MGAM2: variants seen among roughly 807,000 people sequenced by gnomAD.
MGAM2 encodes the protein maltase-glucoamylase 2 (putative).
MGAM2 carries 98 observed loss-of-function variants against 96.1 expected under a neutral mutation model. The ratio of observed to expected loss-of-function variants is 1.02; its 90% CI spans 0.87 to 1.21. The LOEUF (loss-of-function observed/expected upper bound fraction) is 1.21, where lower values mean the gene tolerates loss of function less well. Ranked by LOEUF, MGAM2 falls within the 50% of genes most tolerant of loss-of-function variation. The pLI, the probability that MGAM2 is intolerant of heterozygous loss-of-function variation, is 0.00. For missense variants in MGAM2, 2,055 were observed against 1,182.4 expected, an observed-to-expected ratio of 1.74 and a Z score of -10.82; for synonymous variants, 749 against 414.8, an observed-to-expected ratio of 1.81 and a Z score of -9.79.
rs186959347 is a variant in MGAM2, at chr7:142,122,526, G to A, written c.186+2145G>A. Among the ~76,000 whole-genome samples, 49 of 152,236 alleles carry A rather than the reference G, an allele frequency of 3.2e-4. No homozygotes were observed. In the East Asian group the frequency reaches 7.7e-3, roughly 24 times the overall value. On this transcript the variant is annotated intron_variant, in intron 3 of 47. Coordinates refer to ENST00000477922, the MANE Select transcript of MGAM2 (RefSeq NM_001293626.2). ...TATGACATTTCCCAATAGTTATTCC[G>A]ACTTGTACCCCTTAACAGGTAATCA...
At chr7:142,136,097 G>T (rs748792981) in intron 7 of MGAM2, among the ~76,000 whole-genome samples, 16 of 152,140 alleles carry the variant, frequency 1.1e-4, no homozygotes, top group Non-Finnish European at 2.1e-4. Context: ...CAGTTCTATA[G>T]CTTTGACATC....
At chr7:142,201,072 TTTTTTTTTTC>T (rs1389031417) in intron 45 of MGAM2, among the ~76,000 whole-genome samples, 3 of 49,924 alleles carry the variant, frequency 6.0e-5, no homozygotes, top group African/African-American at 2.8e-4. Flanking sequence ...ATCCTTTTTC[TTTTTTTTTTC>T]TTTTTTTTTT....
intron 16 of MGAM2, among the ~76,000 whole-genome samples, 171 bp from the exon 17 acceptor site, chr7:142,154,558 A>G (rs1289005697): frequency 6.6e-6 from 1 of 152,192 alleles, no homozygotes; most frequent in African/African-American, 2.4e-5. Context: ...TCCGTGATGG[A>G]TTCTATCTTG....
In MGAM2 at chr7:142,166,197, C is replaced by A; in HGVS notation, c.2752C>A (p.Pro918Thr). Residue 918 changes from proline to threonine, a missense_variant, in exon 25 of 48, where the codon CCT becomes ACT. Transcript: ENST00000477922. ...VSDLEKFNCY[P>T]DDPTASEESC... ...TGACCTGGAGAAGTTCAACTGCTAC[C>A]CTGATGATCCAACAGCCTCTGAGGA... 3 of 702,400 alleles carry A rather than the reference C, an allele frequency of 4.3e-6. No individual in the cohort carries two copies. The highest frequency in any genetic ancestry group is 5.2e-6 in the Non-Finnish European group (2 of 384,716). 43.5% of individuals were successfully genotyped at this position (702,400 alleles called of 1,614,324 possible). A position where few individuals can be genotyped will look rare whatever the true frequency, so the allele number is the denominator to read the frequency against.
chr7:142,154,595 C>T, intron 16 of MGAM2, 134 bp from the exon 17 acceptor site: 1 of 613,240 alleles, frequency 1.6e-6, no homozygotes, highest in Non-Finnish European at 2.9e-6. Flanking sequence ...GGGAGTGTGC[C>T]CTGTGACTCT....
At chr7:142,122,955 G>T (rs1301401788) in intron 3 of MGAM2, among the ~76,000 whole-genome samples, 3 of 151,980 alleles carry the variant, frequency 2.0e-5, no homozygotes, top group Non-Finnish European at 4.4e-5. Context: ...TCAGCCTTCT[G>T]AGTAGCTGGG....
At chr7:142,191,691 C>T (rs1458179046) in intron 37 of MGAM2, among the ~76,000 whole-genome samples, 2 of 151,882 alleles carry the variant, frequency 1.3e-5, no homozygotes, top group East Asian at 3.9e-4. Flanking sequence ...ATTGTTTTAG[C>T]TACTATGGGT....
At chr7:142,136,114 A>G (rs1299828201) in intron 7 of MGAM2, among the ~76,000 whole-genome samples, 1 of 152,128 alleles carries the variant, frequency 6.6e-6, no homozygotes. Context: ...CATCACCGCA[A>G]TAGGATCCCT....
In MGAM2 at chr7:142,220,096, C is replaced by G; in HGVS notation, c.5585C>G (p.Thr1862Ser). 1 of 702,934 alleles carries G rather than the reference C, an allele frequency of 1.4e-6. No homozygotes were observed. Among genetic ancestry groups the G allele is most frequent in the South Asian group, 1.5e-5 (1 of 67,608 alleles). 43.5% of individuals were successfully genotyped at this position (702,934 alleles called of 1,614,324 possible). A position where few individuals can be genotyped will look rare whatever the true frequency, so the allele number is the denominator to read the frequency against. Reference sequence around the variant, plus strand: ...ACTACTGATACTGTTCCTATCACAACCACATCTTTCCCAAGTACTACTAGT... The same window carrying G: ...ACTACTGATACTGTTCCTATCACAAGCACATCTTTCCCAAGTACTACTAGT... ...TGTTDTVPIT[T>S]TSFPSTTSVT... The change falls in exon 48 of 48, where the codon ACC becomes AGC. Residue 1862 changes from threonine (T) to serine (S), a missense_variant. By Grantham distance (58) the Thr-to-Ser change is moderately conservative. Coordinates refer to ENST00000477922, the MANE Select transcript of MGAM2 (RefSeq NM_001293626.2).
At chr7:142,180,624 T>C (rs1202039858) in intron 32 of MGAM2, among the ~76,000 whole-genome samples, 1 of 152,222 alleles carries the variant, frequency 6.6e-6, no homozygotes, top group Admixed American at 6.5e-5. Context: ...TATCTTCAAA[T>C]ATGCTTTCCA....
intron 4 of MGAM2, among the ~76,000 whole-genome samples, chr7:142,131,275 T>G (rs1794880110): frequency 6.6e-6 from 1 of 152,054 alleles, no homozygotes; most frequent in Non-Finnish European, 1.5e-5. Context: ...CCGTCTCTAC[T>G]AAAAATACAA....
rs553549441 is a variant in MGAM2, at chr7:142,215,773, A to C, written c.5188-2588A>C. Reference sequence around the variant, plus strand: ...AACTCTGTCTCAAAAAAAAAAAAAAAAAAACCTCATGAATAATTTTATATT... The same window carrying C: ...AACTCTGTCTCAAAAAAAAAAAAAACAAAACCTCATGAATAATTTTATATT... On this transcript the variant is annotated intron_variant, in intron 46 of 47. Transcript: ENST00000477922. 2.8e-3 allele frequency among the ~76,000 whole-genome samples: 432 copies of C among 152,098 alleles called. 2 individuals carry two copies. The highest frequency in any genetic ancestry group is 9.7e-3 in the African/African-American group (404 of 41,514).
intron 2 of MGAM2, among the ~76,000 whole-genome samples, chr7:142,118,722 TAAG>T (rs1166456272): frequency 2.0e-5 from 3 of 152,106 alleles, no homozygotes; most frequent in Admixed American, 1.3e-4. Flanking sequence ...TGCCTACAAA[TAAG>T]AGACTAAAGA....
chr7:142,188,962 TATCA>T (rs1796786641), intron 36 of MGAM2, among the ~76,000 whole-genome samples: 1 of 152,232 alleles, frequency 6.6e-6, no homozygotes, highest in African/African-American at 2.4e-5. Flanking sequence ...TGTACTTATG[TATCA>T]AGCAAATGCT....
At chr7:142,153,665 A>G (rs1795649247) in intron 15 of MGAM2, among the ~76,000 whole-genome samples, 1 of 152,230 alleles carries the variant, frequency 6.6e-6, no homozygotes, top group Non-Finnish European at 1.5e-5. Context: ...GGACATTAGA[A>G]AAAAGATGGG....
intron 29 of MGAM2, 48 bp from the exon 30 acceptor site, chr7:142,172,604 A>C (rs1417780267): frequency 1.6e-6 from 1 of 643,288 alleles, no homozygotes; most frequent in South Asian, 1.8e-5. Context: ...CTATCTGGGC[A>C]ATTTACAACT....
Position 142,167,331 on chromosome 7 carries a change from G to T in MGAM2, c.2872G>T (p.Asp958Tyr). 1.4e-6 allele frequency: 1 copy of T among 702,880 alleles called. No homozygotes were observed. Among genetic ancestry groups the T allele is most frequent in the Non-Finnish European group, 2.6e-6 (1 of 384,976 alleles). The allele number at this position is 702,880 out of a possible 1,614,324, so 43.5% of individuals were successfully genotyped here. A position where few individuals can be genotyped will look rare whatever the true frequency, so the allele number is the denominator to read the frequency against. ...YDTIPNYVAS[D>Y]IQYLNTSITA... is the part of the protein sequence containing the mutation. ...CACCATCCCTAATTATGTTGCTAGT[G>T]ATATTCAGTACCTGAACACCAGCAT... Residue 958 changes from aspartate (D) to tyrosine (Y), a missense_variant, in exon 26 of 48, where the codon GAT (aspartate) becomes TAT (tyrosine). Transcript: ENST00000477922.
intron 46 of MGAM2, among the ~76,000 whole-genome samples, chr7:142,213,358 C>T (rs1191616906): frequency 6.6e-6 from 1 of 151,916 alleles, no homozygotes; most frequent in African/African-American, 2.4e-5. Context: ...ACGAAATACC[C>T]TTCAAAAAAA....
rs1338857486 is a variant in MGAM2, at chr7:142,173,916, A to G, written c.3687+562A>G. Among the ~76,000 whole-genome samples the G allele has an allele frequency of 2.6e-5, 4 of 152,180 alleles. No individual in the cohort carries two copies. The East Asian group carries it at 7.7e-4, about 29-fold the overall frequency. On this transcript the variant is annotated intron_variant, in intron 31 of 47. Coordinates refer to ENST00000477922, the MANE Select transcript of MGAM2 (RefSeq NM_001293626.2). Reference sequence around the variant, plus strand: ...CATATGGCTAGCCAGTTTTCCCTGCACCATTTATTGAATAAGGGAGTCCTT... The same window carrying G: ...CATATGGCTAGCCAGTTTTCCCTGCGCCATTTATTGAATAAGGGAGTCCTT...
Sources: allele counts gnomAD v4.1 joint callset (sites outside exome capture counted in the v4.1 genomes callset), GRCh38; gene constraint gnomAD v4.1.1; transcripts MANE v1.5; gene names NCBI Gene and HGNC (gene_info 2026-07-23, HGNC 2026-07-21).